Variants in SNCAIP observed in about 807,000 individuals in gnomAD.
SNCAIP encodes the protein synphilin-1.
SNCAIP carries 43 observed loss-of-function variants against 86.7 expected under a neutral mutation model. The observed-to-expected ratio is 0.50, with a 90% CI of 0.39 to 0.64. The LOEUF (loss-of-function observed/expected upper bound fraction) is 0.64. Ranked by LOEUF, SNCAIP falls within the 30% of genes least tolerant of loss-of-function variation. SNCAIP has a pLI of 0.00. For synonymous variants in SNCAIP, 417 were observed against 427.2 expected (o/e 0.98, Z 0.29); for missense variants, 981 against 1,103.1 (o/e 0.89, Z 1.57).
intron 1 of SNCAIP, among the ~76,000 whole-genome samples, chr5:122,346,283 G>C (rs1303124552): frequency 6.6e-6 from 1 of 152,090 alleles, no homozygotes; most frequent in Non-Finnish European, 1.5e-5. Flanking sequence ...TTATGCTCAT[G>C]GAGACCCAAA....
chr5:122,328,445 A>C (rs1390162961), intron 1 of SNCAIP, among the ~76,000 whole-genome samples: 1 of 152,224 alleles, frequency 6.6e-6, no homozygotes, highest in African/African-American at 2.4e-5. Flanking sequence ...TCAAAAAATT[A>C]TCCATAAATA....
chr5:122,444,870 A>T, intron 8 of SNCAIP, 138 bp downstream of exon 8: 3 of 793,772 alleles, frequency 3.8e-6, no homozygotes, highest in Non-Finnish European at 6.5e-6. Flanking sequence ...CTGTTCTTCC[A>T]TCCAAAGTCC....
At position 122,335,234 on chromosome 5, in the gene SNCAIP, A is replaced by G. The variant is rs371291437; in HGVS notation, c.-47+22950A>G. Among the ~76,000 whole-genome samples, 16 of 152,280 alleles carry G rather than the reference A, an allele frequency of 1.1e-4. No individual in the cohort carries two copies. In the East Asian group the frequency reaches 1.9e-3, roughly 18 times the overall value. ...TTTATAGAGAAGTTTGAGATGAACAATTGCCAAGGACTCGAAAGATAGGCT... is the reference window on the plus strand; with the variant it reads ...TTTATAGAGAAGTTTGAGATGAACAGTTGCCAAGGACTCGAAAGATAGGCT... On this transcript the variant is annotated intron_variant, in intron 1 of 10. Transcript: ENST00000261368.
chr5:122,374,931 G>A (rs1236601991), intron 1 of SNCAIP, among the ~76,000 whole-genome samples: 1 of 152,130 alleles, frequency 6.6e-6, no homozygotes, highest in East Asian at 1.9e-4. Context: ...TAGGTGTGCA[G>A]TGTTCAGTTT....
chr5:122,401,229 A>C, intron 2 of SNCAIP: 1 of 1,135,408 alleles, frequency 8.8e-7, no homozygotes, highest in Non-Finnish European at 1.2e-6. Context: ...TGGTAGCACA[A>C]TGCATACTTG....
At chr5:122,408,047 C>T (rs889720532) in intron 3 of SNCAIP, among the ~76,000 whole-genome samples, 1 of 152,216 alleles carries the variant, frequency 6.6e-6, no homozygotes, top group Non-Finnish European at 1.5e-5. Flanking sequence ...AGACAGCAGT[C>T]ACTCTTGGGC....
rs78843748 is a variant in SNCAIP, at chr5:122,321,022, G to A, written c.-47+8738G>A. On this transcript the variant is annotated intron_variant, in intron 1 of 10. Coordinates refer to ENST00000261368, the MANE Select transcript of SNCAIP (RefSeq NM_005460.4). ...CCACTCACCCTCTTGCCCTGAGACC[G>A]CCTCCCCAGATTTTCTCCTGAAGCA... 5.1e-3 allele frequency among the ~76,000 whole-genome samples: 779 copies of A among 152,004 alleles called. 6 individuals are homozygous for A. Among genetic ancestry groups the A allele is most frequent in the African/African-American group, 0.018 (745 of 41,456 alleles).
intron 1 of SNCAIP, among the ~76,000 whole-genome samples, chr5:122,362,187 A>G (rs765132673): frequency 1.3e-4 from 20 of 152,196 alleles, no homozygotes; most frequent in Non-Finnish European, 2.5e-4. Flanking sequence ...TTTTGCTTGT[A>G]TTATCTTATT....
At chr5:122,420,998 G>A (rs1363432756) in intron 3 of SNCAIP, among the ~76,000 whole-genome samples, 1 of 152,168 alleles carries the variant, frequency 6.6e-6, no homozygotes, top group Non-Finnish European at 1.5e-5. Flanking sequence ...AAGATTTAAT[G>A]TGTTGTGCAA....
chr5:122,433,195 A>G (rs537421594), intron 6 of SNCAIP, among the ~76,000 whole-genome samples: 1 of 152,114 alleles, frequency 6.6e-6, no homozygotes, highest in East Asian at 1.9e-4. Context: ...TTATATACAC[A>G]TGTAAAATGT....
At chr5:122,457,483 A>G (rs1785041879) in intron 10 of SNCAIP, among the ~76,000 whole-genome samples, 1 of 152,038 alleles carries the variant, frequency 6.6e-6, no homozygotes, top group South Asian at 2.1e-4. Context: ...CCCAGCTCCC[A>G]TGCTTCCCCA....
At chr5:122,450,002 C>T in intron 9 of SNCAIP, 65 bp downstream of exon 9, 2 of 1,082,844 alleles carry the variant, frequency 1.8e-6, no homozygotes, top group South Asian at 1.3e-5. Context: ...TTCTTCTGAA[C>T]TTCCTTTGAT....
chr5:122,324,025 G>T (rs937765862), intron 1 of SNCAIP, among the ~76,000 whole-genome samples: 2 of 152,156 alleles, frequency 1.3e-5, no homozygotes, highest in African/African-American at 4.8e-5. Context: ...AGATTGCTAT[G>T]TGCTATTTTA....
intron 10 of SNCAIP, among the ~76,000 whole-genome samples, chr5:122,463,224 G>A (rs779432445): frequency 5.3e-5 from 8 of 152,218 alleles, no homozygotes; most frequent in Non-Finnish European, 8.8e-5. Context: ...TAAAATGCCT[G>A]TATTTCAATC....
chr5:122,413,634 T>C (rs1774620503), intron 3 of SNCAIP, among the ~76,000 whole-genome samples: 1 of 152,130 alleles, frequency 6.6e-6, no homozygotes, highest in African/African-American at 2.4e-5. Context: ...AATATATATT[T>C]GTTGAATGAA....
chr5:122,342,090 T>TCTGAC (rs1757710453), intron 1 of SNCAIP, among the ~76,000 whole-genome samples: 1 of 152,156 alleles, frequency 6.6e-6, no homozygotes, highest in African/African-American at 2.4e-5. Context: ...TGTTTGCCCA[T>TCTGAC]CAGCTGCCCA....
intron 1 of SNCAIP, among the ~76,000 whole-genome samples, chr5:122,359,000 T>C (rs1274808370): frequency 6.6e-6 from 1 of 152,078 alleles, no homozygotes; most frequent in Non-Finnish European, 1.5e-5. Flanking sequence ...CTTAGCTTTT[T>C]AATGGTTTCT....
chr5:122,323,710 A>C (rs946324511), intron 1 of SNCAIP, among the ~76,000 whole-genome samples: 1 of 152,222 alleles, frequency 6.6e-6, no homozygotes, highest in Admixed American at 6.5e-5. Flanking sequence ...GTGTTCTTTA[A>C]AATCTAATTA....
chr5:122,407,858 C>T (rs1475323438), intron 3 of SNCAIP, among the ~76,000 whole-genome samples: 2 of 152,154 alleles, frequency 1.3e-5, no homozygotes, highest in Non-Finnish European at 2.9e-5. Flanking sequence ...GTAGCCTGTA[C>T]TTCATCAATT....
Sources: allele counts gnomAD v4.1 joint callset (sites outside exome capture counted in the v4.1 genomes callset), GRCh38; gene constraint gnomAD v4.1.1; transcripts MANE v1.5; gene names NCBI Gene and HGNC (gene_info 2026-07-23, HGNC 2026-07-21).